RGP1: variants seen among roughly 807,000 people sequenced by gnomAD.
RGP1 encodes the protein RAB6A-GEF complex partner protein 2.
Under a neutral mutation model 44.5 loss-of-function variants are expected in RGP1, and 28 were observed. That is an observed-to-expected ratio of 0.63 (90% confidence interval 0.47 to 0.86). The LOEUF is 0.86. Ranked by LOEUF, RGP1 falls within the 40% of genes least tolerant of loss-of-function variation. The pLI, the probability that RGP1 is intolerant of heterozygous loss-of-function variation, is 0.00. For missense variants in RGP1, 417 were observed against 490.7 expected (o/e 0.85, Z 1.42); for synonymous variants, 212 against 196.7 (o/e 1.08, Z -0.65).
At chr9:35,772,584 G>A in the RGP1 span, among the ~76,000 whole-genome samples, 1 of 151,754 alleles carries the variant, frequency 6.6e-6, no homozygotes, top group Non-Finnish European at 1.5e-5. Flanking sequence ...ATGAGGTCAG[G>A]GGATCGAGAC....
the RGP1 span, among the ~76,000 whole-genome samples, chr9:35,773,056 C>T: frequency 6.6e-6 from 1 of 152,032 alleles, no homozygotes; most frequent in Non-Finnish European, 1.5e-5. Flanking sequence ...CTTAAAAAAA[C>T]CCATATATAG....
the RGP1 span, among the ~76,000 whole-genome samples, chr9:35,784,470 A>G: frequency 6.6e-6 from 1 of 152,080 alleles, no homozygotes; most frequent in African/African-American, 2.4e-5. Context: ...TTATTTAGAG[A>G]CAGAGTTTTG....
At chr9:35,777,061 A>C in the RGP1 span, among the ~76,000 whole-genome samples, 1 of 148,844 alleles carries the variant, frequency 6.7e-6, no homozygotes, top group Non-Finnish European at 1.5e-5. Flanking sequence ...GGCCAGATAT[A>C]CCCCAACCAA....
chr9:35,750,477 A>G, intron 3 of RGP1, 98 bp downstream of exon 3: 4 of 1,426,782 alleles, frequency 2.8e-6, no homozygotes, highest in South Asian at 1.2e-5. Context: ...TCTTGTTCTT[A>G]TAGTCCCTGT....
the RGP1 span, among the ~76,000 whole-genome samples, chr9:35,778,129 G>A: frequency 2.0e-5 from 3 of 152,058 alleles, no homozygotes; most frequent in African/African-American, 4.8e-5. Context: ...GAGAAACCCC[G>A]TCTCTACTAA....
the RGP1 span, among the ~76,000 whole-genome samples, chr9:35,783,908 A>G: frequency 3.3e-5 from 5 of 152,344 alleles, no homozygotes; most frequent in Admixed American, 3.3e-4. Flanking sequence ...TGTTCCCACT[A>G]GTATAAAAGT....
the RGP1 span, among the ~76,000 whole-genome samples, chr9:35,769,969 G>C: frequency 6.6e-6 from 1 of 152,158 alleles, no homozygotes; most frequent in Non-Finnish European, 1.5e-5. Flanking sequence ...GCCAAACCTG[G>C]GGGCAGGGAC....
Position 35,749,300 on chromosome 9 carries a change from C to G in RGP1, c.-128C>G, listed in dbSNP as rs1468660213. On this transcript the variant is annotated 5_prime_UTR_variant, in exon 1 of 9. Coordinates refer to ENST00000378078, the MANE Select transcript of RGP1 (RefSeq NM_001080496.3). This position sits in a 1 kb window ranked among gnomAD's most constrained non-coding sequence, Gnocchi z 4.4. ...GGACCGAAGGGAAGTCCCGCCTCTA[C>G]CGCCCAGCGGACGCCGCCGCCGCCG... 1 of 518,314 alleles carries G rather than the reference C, an allele frequency of 1.9e-6. No homozygotes were observed. The highest frequency in any genetic ancestry group is 5.7e-5 in the East Asian group (1 of 17,434). The allele number at this position is 518,314 out of a possible 1,614,324, so 32.1% of individuals were successfully genotyped here.
the RGP1 span, among the ~76,000 whole-genome samples, chr9:35,779,428 G>A: frequency 0.16 from 24,350 of 152,168 alleles, 2,206 homozygotes; most frequent in East Asian, 0.31. Flanking sequence ...GTTCAGCTCC[G>A]CACCTGTCTG....
At chr9:35,789,848 G>A in the RGP1 span, among the ~76,000 whole-genome samples, 1 of 152,124 alleles carries the variant, frequency 6.6e-6, no homozygotes, top group Non-Finnish European at 1.5e-5. Flanking sequence ...TCTCTCTTTT[G>A]CAACTAAAAA....
In RGP1 at chr9:35,750,973, G is replaced by T; in HGVS notation, c.471G>T (p.Arg157Ser). The stretch of plus-strand genomic sequence containing the variant: ...TCACTTTACTCAGAGTCCCTCTGAG[G>T]GTTCTTGTGCTGACTGGTAAGCAAG... ...SPITLLRVPL[R>S]VLVLTGLQDV... The change falls in exon 5 of 9, where the codon AGG becomes AGT. Residue 157 changes from arginine (R) to serine (S), a missense_variant. Physicochemically the swap from Arg to Ser is moderately radical, Grantham distance 110. Coordinates refer to ENST00000378078, the MANE Select transcript of RGP1 (RefSeq NM_001080496.3). 6.2e-7 allele frequency: 1 copy of T among 1,613,870 alleles called. No individual in the cohort carries two copies. Among genetic ancestry groups the T allele is most frequent in the Non-Finnish European group, 8.5e-7 (1 of 1,179,880 alleles).
chr9:35,777,354 C>T, the RGP1 span, among the ~76,000 whole-genome samples: 1 of 151,376 alleles, frequency 6.6e-6, no homozygotes, highest in Non-Finnish European at 1.5e-5. Flanking sequence ...TGGTCTCGAT[C>T]TCCTGACCTC....
chr9:35,773,417 G>GAAAAT, the RGP1 span, among the ~76,000 whole-genome samples: 1 of 151,882 alleles, frequency 6.6e-6, no homozygotes, highest in African/African-American at 2.4e-5. Flanking sequence ...GAAAAGAAAA[G>GAAAAT]AAATATATAT....
chr9:35,750,128 T>TGAGGACAGCCTCAG, intron 2 of RGP1, 115 bp from the exon 3 acceptor site: 1 of 1,415,570 alleles, frequency 7.1e-7, no homozygotes, highest in Non-Finnish European at 9.4e-7. Context: ...GTGGATTTCC[T>TGAGGACAGCCTCAG]GATCACTAGG....
the RGP1 span, among the ~76,000 whole-genome samples, chr9:35,772,790 CAAAAAA>C: frequency 9.3e-6 from 1 of 107,640 alleles, no homozygotes; most frequent in African/African-American, 3.3e-5. Flanking sequence ...GACTCTGTCT[CAAAAAA>C]AAAAAAAAAA....
the RGP1 span, chr9:35,780,261 C>G: frequency 6.6e-6 from 1 of 152,204 alleles, no homozygotes. Flanking sequence ...CTTCTCTCCA[C>G]CGCAGGTTCC....
At chr9:35,769,935 C>T in the RGP1 span, among the ~76,000 whole-genome samples, 1 of 152,328 alleles carries the variant, frequency 6.6e-6, no homozygotes, top group Admixed American at 6.5e-5. Context: ...ATCTGCATGT[C>T]TGGTTCATTT....
rs575147838 is a variant in RGP1 at position 35,757,177 on chromosome 9, A to G, written c.*4303A>G. 966 of 151,964 alleles carry G rather than the reference A, an allele frequency of 6.4e-3. 15 individuals are homozygous for G. Among genetic ancestry groups the G allele is most frequent in the African/African-American group, 0.022 (894 of 41,374 alleles). The allele number at this position is 151,964 out of a possible 1,614,324, so 9.4% of individuals were successfully genotyped here. On this transcript the variant is annotated 3_prime_UTR_variant, in exon 9 of 9. Coordinates refer to ENST00000378078, the MANE Select transcript of RGP1 (RefSeq NM_001080496.3). Reference sequence around the variant, plus strand: ...AGAGCATTCCGGCCCCCCCACCCCAACCCCGGCCGCTGGCCCTCTGGTGAG... The same window carrying G: ...AGAGCATTCCGGCCCCCCCACCCCAGCCCCGGCCGCTGGCCCTCTGGTGAG...
In RGP1 at chr9:35,758,092, G is replaced by A. The variant is rs1376964384; in HGVS notation, c.*5218G>A. ...TGTGGCTGATGCCTCAGTTTTTCTG[G>A]ATCAGTAGTGCTGCACTTCCACTTT... On this transcript the variant is annotated 3_prime_UTR_variant, in exon 9 of 9. Coordinates refer to ENST00000378078, the MANE Select transcript of RGP1 (RefSeq NM_001080496.3). 6.6e-6 allele frequency: 1 copy of A among 152,158 alleles called. No individual in the cohort carries two copies. Among genetic ancestry groups the A allele is most frequent in the African/African-American group, 2.4e-5 (1 of 41,416 alleles). 9.4% of individuals were successfully genotyped at this position (152,158 alleles called of 1,614,324 possible). A position where few individuals can be genotyped will look rare whatever the true frequency, so the allele number is the denominator to read the frequency against.
Sources: allele counts gnomAD v4.1 joint callset (sites outside exome capture counted in the v4.1 genomes callset), GRCh38; gene constraint gnomAD v4.1.1; non-coding constraint Gnocchi (gnomAD v3.1); transcripts MANE v1.5; gene names NCBI Gene and HGNC (gene_info 2026-07-23, HGNC 2026-07-21).